Variants in NF1 observed in about 807,000 individuals in gnomAD.
The protein encoded by NF1 is neurofibromin 1, also known as neurofibromin.
In NF1, 122 loss-of-function variants were observed where a neutral mutation model predicts 325.7. The ratio of observed to expected loss-of-function variants is 0.37; its 90% CI spans 0.32 to 0.44. The LOEUF (loss-of-function observed/expected upper bound fraction) is 0.44. Among genes scored for constraint, NF1 ranks in the 20% least tolerant of loss-of-function variants. NF1 has a pLI of 1.00. For synonymous variants in NF1, 1,091 were observed against 1,186.0 expected, an observed-to-expected ratio of 0.92 and a Z score of 1.65; for missense variants, 2,140 against 3,415.4, an observed-to-expected ratio of 0.63 and a Z score of 9.31.
intron 20 of NF1, among the ~76,000 whole-genome samples, chr17:31,227,960 CTGTT>C (rs563414497): frequency 9.3e-4 from 142 of 152,332 alleles, no homozygotes; most frequent in Non-Finnish European, 1.5e-3. Context: ...CTGCTAGAGA[CTGTT>C]TGTTGCAGAG....
chr17:31,297,144 A>G (rs906306925), intron 36 of NF1: 8 of 152,224 alleles, frequency 5.3e-5, no homozygotes, highest in Non-Finnish European at 1.0e-4. Flanking sequence ...ACTGATTTAA[A>G]TAACATCTTA....
intron 36 of NF1, among the ~76,000 whole-genome samples, chr17:31,276,953 C>G (rs75016398): frequency 6.6e-6 from 1 of 152,056 alleles, no homozygotes; most frequent in Non-Finnish European, 1.5e-5. Flanking sequence ...GACTGTTGAT[C>G]GGAAGCCTTT....
At chr17:31,187,478 A>T (rs1471300458) in intron 8 of NF1, among the ~76,000 whole-genome samples, 10 of 152,270 alleles carry the variant, frequency 6.6e-5, no homozygotes, top group Non-Finnish European at 1.5e-4. Flanking sequence ...TACAGGCATG[A>T]GCCAATGTGC....
chr17:31,230,883 C>T lies in NF1; in HGVS notation c.3155C>T (p.Thr1052Ile), dbSNP rs2067101916. The change falls in exon 24 of 58, where the codon ACA (threonine) becomes ATA (isoleucine). Residue 1052 changes from threonine to isoleucine, a missense_variant. Physicochemically the swap from Thr to Ile is moderately conservative, Grantham distance 89. Transcript: ENST00000358273. The part of the protein sequence containing the change: ...VEYLTDWVMG[T>I]SNQAADDDVK... ...TACCTGACAGACTGGGTTATGGGAA[C>T]ATCAAACCAAGCAGCAGATGATGAT... The T allele has an allele frequency of 6.2e-7, 1 of 1,611,290 alleles. No homozygotes were observed. Among genetic ancestry groups the T allele is most frequent in the Non-Finnish European group, 8.5e-7 (1 of 1,178,644 alleles).
At chr17:31,252,669 G>C in intron 30 of NF1, 1 of 423,500 alleles carries the variant, frequency 2.4e-6, no homozygotes, top group Non-Finnish European at 4.3e-6. Context: ...AATTCACTTG[G>C]AGAGAGTTTT....
At chr17:31,201,521 A>T (rs748698390) in intron 11 of NF1, 36 bp downstream of exon 11, 276 of 1,506,216 alleles carry the variant, frequency 1.8e-4, no homozygotes, top group Admixed American at 4.1e-4. Context: ...TACTAAAAAA[A>T]TTTTTTTCTT....
At chr17:31,158,054 T>TAA (rs1447297860) in intron 2 of NF1, among the ~76,000 whole-genome samples, 1 of 152,102 alleles carries the variant, frequency 6.6e-6, no homozygotes, top group Non-Finnish European at 1.5e-5. Context: ...AAGCTATATT[T>TAA]CTGTATCCTT....
At chr17:31,134,941 G>A (rs1352985967) in intron 1 of NF1, among the ~76,000 whole-genome samples, 1 of 152,138 alleles carries the variant, frequency 6.6e-6, no homozygotes, top group African/African-American at 2.4e-5. Flanking sequence ...ACACACGGGT[G>A]TGGATATCAG....
intron 1 of NF1, among the ~76,000 whole-genome samples, chr17:31,143,417 C>T (rs1323044700): frequency 6.6e-6 from 1 of 151,788 alleles, no homozygotes; most frequent in Non-Finnish European, 1.5e-5. Flanking sequence ...CAGGTGCATA[C>T]CACCACCCCC....
chr17:31,331,323 G>T (rs1458131832), intron 39 of NF1: 1 of 152,066 alleles, frequency 6.6e-6, no homozygotes, highest in Non-Finnish European at 1.5e-5. Flanking sequence ...GAATGTAAAG[G>T]CATATTGTGT....
chr17:31,310,401 GA>G (rs959228135), intron 36 of NF1, among the ~76,000 whole-genome samples: 3 of 151,288 alleles, frequency 2.0e-5, no homozygotes, highest in African/African-American at 7.3e-5. Context: ...AGGCAGTGTA[GA>G]TGATTGAAGT....
At chr17:31,247,924 C>A (rs138348825) in intron 29 of NF1, among the ~76,000 whole-genome samples, 1 of 152,110 alleles carries the variant, frequency 6.6e-6, no homozygotes. Flanking sequence ...ATCATTCAGC[C>A]GGGCGTGGTG....
chr17:31,350,631 G>A (rs1026330419), intron 50 of NF1, among the ~76,000 whole-genome samples: 1 of 152,046 alleles, frequency 6.6e-6, no homozygotes, highest in Non-Finnish European at 1.5e-5. Context: ...AAAAACTAAC[G>A]CGAAATATAA....
At chr17:31,353,617 C>CCAAA (rs536820210) in intron 51 of NF1, among the ~76,000 whole-genome samples, 157 of 152,206 alleles carry the variant, frequency 1.0e-3, no homozygotes, top group Non-Finnish European at 1.9e-3. Flanking sequence ...GACCCCGACT[C>CCAAA]CAAACAAACA....
At chr17:31,221,132 T>C (rs1376852968) in intron 14 of NF1, among the ~76,000 whole-genome samples, 1 of 152,090 alleles carries the variant, frequency 6.6e-6, no homozygotes, top group Non-Finnish European at 1.5e-5. Context: ...ATTGGGATTG[T>C]AGAATTGGAG....
intron 5 of NF1, among the ~76,000 whole-genome samples, chr17:31,178,950 G>T (rs535032036): frequency 6.6e-6 from 1 of 152,272 alleles, no homozygotes; most frequent in South Asian, 2.1e-4. Flanking sequence ...ACATTAGACA[G>T]ATCAACGAGA....
In NF1 at chr17:31,268,498, G is replaced by A. The variant is rs368838299; in HGVS notation, c.4835+3159G>A. Reference sequence around the variant, plus strand: ...AAAAATTAGGCAGGCGTGGTGGCACGTGGCTGTAGTCCCAGCTACTCGGGA... The same window carrying A: ...AAAAATTAGGCAGGCGTGGTGGCACATGGCTGTAGTCCCAGCTACTCGGGA... On this transcript the variant is annotated intron_variant, in intron 36 of 57. Transcript: ENST00000358273. Among the ~76,000 whole-genome samples the A allele has an allele frequency of 2.2e-4, 33 of 151,888 alleles. 1 individual carries two copies. In the East Asian group the frequency reaches 5.7e-3, roughly 26 times the overall value.
chr17:31,357,099 T>C lies in NF1; in HGVS notation c.7869+9T>C, dbSNP rs940367528. On this transcript the variant is annotated intron_variant, in intron 53 of 57. Transcript: ENST00000358273. The stretch of plus-strand genomic sequence containing the variant: ...TGCTTCTTACTGTTCTAGTAAGGAT[T>C]TCCCCTTTTTGAGTCCCCCACCCTC... 2 of 1,612,972 alleles carry C rather than the reference T, an allele frequency of 1.2e-6. No individual in the cohort carries two copies. The highest frequency in any genetic ancestry group is 2.7e-5 in the African/African-American group (2 of 74,908).
chr17:31,252,779 A>T, intron 30 of NF1, 159 bp from the exon 31 acceptor site: 1 of 646,166 alleles, frequency 1.5e-6, no homozygotes, highest in Non-Finnish European at 2.7e-6. Context: ...TAAAACCCAG[A>T]ATTAAAATTC....
Sources: allele counts gnomAD v4.1 joint callset (sites outside exome capture counted in the v4.1 genomes callset), GRCh38; gene constraint gnomAD v4.1.1; transcripts MANE v1.5; gene names NCBI Gene and HGNC (gene_info 2026-07-23, HGNC 2026-07-21).